SORCS1: variants seen among roughly 807,000 people sequenced by gnomAD.
The protein encoded by SORCS1 is VPS10 domain-containing receptor SorCS1.
SORCS1 carries 60 observed loss-of-function variants against 146.1 expected under a neutral mutation model. The ratio of observed to expected loss-of-function variants is 0.41; its 90% CI spans 0.33 to 0.51. The LOEUF (loss-of-function observed/expected upper bound fraction) is 0.51. Ranked by LOEUF, SORCS1 falls within the 20% of genes least tolerant of loss-of-function variation. The pLI, the probability that SORCS1 is intolerant of heterozygous loss-of-function variation, is 0.21. For synonymous variants in SORCS1, 637 were observed against 584.0 expected (o/e 1.09, Z -1.31); for missense variants, 1,352 against 1,487.6 (o/e 0.91, Z 1.50).
intron 9 of SORCS1, among the ~76,000 whole-genome samples, chr10:106,695,163 T>G (rs1028823014): frequency 6.6e-6 from 1 of 152,186 alleles, no homozygotes; most frequent in Admixed American, 6.5e-5. Context: ...CAGGCTTTTC[T>G]TACACAAATA....
chr10:106,959,313 T>C (rs933520801), intron 1 of SORCS1, among the ~76,000 whole-genome samples: 2 of 152,226 alleles, frequency 1.3e-5, no homozygotes, highest in East Asian at 3.8e-4. Flanking sequence ...AATCAATCTA[T>C]TTAATCTTTC....
At chr10:106,986,618 G>A (rs778188599) in intron 1 of SORCS1, among the ~76,000 whole-genome samples, 10 of 151,700 alleles carry the variant, frequency 6.6e-5, no homozygotes, top group Non-Finnish European at 1.3e-4. Flanking sequence ...TACACAGATT[G>A]TAAATTGCTT....
In SORCS1 at chr10:107,007,525, G is replaced by C. The variant is rs530501962; in HGVS notation, c.559-50945C>G. 1.1e-3 allele frequency among the ~76,000 whole-genome samples: 161 copies of C among 152,262 alleles called. 1 individual carries two copies. The highest frequency in any genetic ancestry group is 2.8e-3 in the African/African-American group (117 of 41,544). Reference sequence around the variant, plus strand: ...AGCCATCTTGAAAACAGATCCTCCAGCCCCCGCTGAGCCTCTCTAGTTCAC... The same window carrying C: ...AGCCATCTTGAAAACAGATCCTCCACCCCCCGCTGAGCCTCTCTAGTTCAC... On this transcript the variant is annotated intron_variant, in intron 1 of 25. Coordinates refer to ENST00000263054, the MANE Select transcript of SORCS1 (RefSeq NM_052918.5).
chr10:106,932,527 G>A (rs1019492744), intron 2 of SORCS1, among the ~76,000 whole-genome samples: 2 of 152,164 alleles, frequency 1.3e-5, no homozygotes, highest in Non-Finnish European at 2.9e-5. Flanking sequence ...ATGTGTGTAT[G>A]CCTGTCTCCA....
intron 21 of SORCS1, among the ~76,000 whole-genome samples, 194 bp from the exon 22 acceptor site, chr10:106,612,217 G>A (rs574985082): frequency 3.4e-4 from 51 of 152,004 alleles, no homozygotes; most frequent in Non-Finnish European, 5.6e-4. Context: ...TTTAAGGAGC[G>A]GAGAGTTTAA....
chr10:106,952,316 C>G (rs910065974), intron 2 of SORCS1, among the ~76,000 whole-genome samples: 13 of 152,126 alleles, frequency 8.5e-5, no homozygotes, highest in African/African-American at 3.1e-4. Flanking sequence ...TGAGCTGGTG[C>G]AGGAGAAAGT....
intron 2 of SORCS1, among the ~76,000 whole-genome samples, chr10:106,948,044 T>C (rs989876785): frequency 6.6e-6 from 1 of 152,176 alleles, no homozygotes; most frequent in Non-Finnish European, 1.5e-5. Context: ...TTTCAATGCA[T>C]TCATCTGGAT....
chr10:106,994,973 G>A lies in SORCS1; in HGVS notation c.559-38393C>T, dbSNP rs111989057. 7.4e-4 allele frequency among the ~76,000 whole-genome samples: 112 copies of A among 152,182 alleles called. 1 individual carries two copies. The highest frequency in any genetic ancestry group is 2.5e-3 in the African/African-American group (105 of 41,534). On this transcript the variant is annotated intron_variant, in intron 1 of 25. Transcript: ENST00000263054. Reference sequence around the variant, plus strand: ...GAATGACTATTAGTAATAACTGAACGTCGGAAAATAAAACATACAGGAGAG... The same window carrying A: ...GAATGACTATTAGTAATAACTGAACATCGGAAAATAAAACATACAGGAGAG...
chr10:106,575,897 A>G lies in SORCS1; in HGVS notation c.*1523T>C, dbSNP rs2133172993. On this transcript the variant is annotated 3_prime_UTR_variant, in exon 26 of 26. Coordinates refer to ENST00000263054, the MANE Select transcript of SORCS1 (RefSeq NM_052918.5). Reference sequence around the variant, plus strand: ...ATTCTACTGTGAGAGTGGAAATACCAGGTAACAGCAACCGTCACAGGAGGA... The same window carrying G: ...ATTCTACTGTGAGAGTGGAAATACCGGGTAACAGCAACCGTCACAGGAGGA... 6.5e-6 allele frequency: 1 copy of G among 152,788 alleles called. No homozygotes were observed. Among genetic ancestry groups the G allele is most frequent in the Middle Eastern group, 3.4e-3 (1 of 294 alleles). 9.5% of individuals were successfully genotyped at this position (152,788 alleles called of 1,614,324 possible). A position where few individuals can be genotyped will look rare whatever the true frequency, so the allele number is the denominator to read the frequency against.
chr10:107,034,510 T>C (rs973669215), intron 1 of SORCS1, among the ~76,000 whole-genome samples: 2 of 151,440 alleles, frequency 1.3e-5, no homozygotes, highest in Non-Finnish European at 2.9e-5. Flanking sequence ...AGAAACCCCA[T>C]TTCTATTAAA....
chr10:106,939,832 A>G (rs556585891), intron 2 of SORCS1, among the ~76,000 whole-genome samples: 1 of 152,344 alleles, frequency 6.6e-6, no homozygotes, highest in African/African-American at 2.4e-5. Context: ...CTCCAGTACT[A>G]TTGCTCTCAT....
chr10:106,729,567 A>G (rs1856449661), intron 6 of SORCS1, among the ~76,000 whole-genome samples: 3 of 152,164 alleles, frequency 2.0e-5, no homozygotes, highest in Admixed American at 1.3e-4. Flanking sequence ...AAAGAGTAGC[A>G]GCAGCAACAA....
chr10:106,803,078 T>C (rs12770952), intron 3 of SORCS1, among the ~76,000 whole-genome samples: 44,206 of 152,098 alleles, frequency 0.29, 6,601 homozygotes, highest in Non-Finnish European at 0.31. Context: ...TGATCACATG[T>C]GATGGCCTCA....
At chr10:107,096,810 C>T (rs528021751) in intron 1 of SORCS1, among the ~76,000 whole-genome samples, 1 of 152,248 alleles carries the variant, frequency 6.6e-6, no homozygotes, top group Non-Finnish European at 1.5e-5. Flanking sequence ...CCGCACCCGG[C>T]CCTATCAATA....
At chr10:106,948,844 C>A (rs1954511769) in intron 2 of SORCS1, among the ~76,000 whole-genome samples, 2 of 152,090 alleles carry the variant, frequency 1.3e-5, no homozygotes, top group Admixed American at 1.3e-4. Flanking sequence ...GCCTGTAGTC[C>A]CAGCTACTCT....
At chr10:107,160,385 A>C (rs1695145032) in intron 1 of SORCS1, among the ~76,000 whole-genome samples, 1 of 152,164 alleles carries the variant, frequency 6.6e-6, no homozygotes, top group African/African-American at 2.4e-5. Flanking sequence ...TCCTGTATGT[A>C]ATGACAATAA....
At chr10:106,704,980 C>T (rs571289639) in intron 8 of SORCS1, among the ~76,000 whole-genome samples, 39 of 152,272 alleles carry the variant, frequency 2.6e-4, no homozygotes, top group African/African-American at 8.2e-4. Context: ...CTCTGACAGA[C>T]CTTCCTAAGA....
At chr10:107,148,367 T>C (rs985842580) in intron 1 of SORCS1, among the ~76,000 whole-genome samples, 5 of 152,228 alleles carry the variant, frequency 3.3e-5, no homozygotes, top group South Asian at 2.1e-4. Context: ...AAAGCAGCCA[T>C]AGACAATATG....
intron 17 of SORCS1, among the ~76,000 whole-genome samples, chr10:106,657,333 T>C (rs773241054): frequency 1.3e-5 from 2 of 152,178 alleles, no homozygotes; most frequent in Non-Finnish European, 2.9e-5. Flanking sequence ...GAGGCCATTA[T>C]TCTATATGAA....
Sources: gnomAD v4.1 joint callset for allele counts (sites outside exome capture counted in the v4.1 genomes callset) on GRCh38, gnomAD v4.1.1 for gene constraint, MANE v1.5 for transcripts, NCBI Gene and HGNC (gene_info 2026-07-23, HGNC 2026-07-21) for gene names.